Variants in RALGPS2 observed in about 807,000 individuals in gnomAD.
RALGPS2 encodes ras-specific guanine nucleotide-releasing factor RalGPS2.
Under a neutral mutation model 86.8 loss-of-function variants are expected in RALGPS2, and 43 were observed. The observed-to-expected ratio is 0.50, with a 90% CI of 0.39 to 0.64. The LOEUF is 0.64. Among genes scored for constraint, RALGPS2 ranks in the 30% least tolerant of loss-of-function variants. RALGPS2 has a pLI of 0.00. For synonymous variants in RALGPS2, 243 were observed against 231.3 expected, an observed-to-expected ratio of 1.05 and a Z score of -0.46; for missense variants, 536 against 694.6, an observed-to-expected ratio of 0.77 and a Z score of 2.57.
intron 1 of RALGPS2, among the ~76,000 whole-genome samples, chr1:178,773,221 C>T (rs1018187058): frequency 6.6e-6 from 1 of 152,086 alleles, no homozygotes; most frequent in African/African-American, 2.4e-5. Flanking sequence ...TGGTGGTGCA[C>T]ACCTCAGCTA....
intron 7 of RALGPS2, among the ~76,000 whole-genome samples, chr1:178,826,542 C>A (rs965577144): frequency 6.6e-6 from 1 of 151,880 alleles, no homozygotes; most frequent in African/African-American, 2.4e-5. Context: ...TTGATGGTTG[C>A]CAGGGATGGG....
intron 1 of RALGPS2, among the ~76,000 whole-genome samples, chr1:178,762,896 T>C (rs1297260701): frequency 1.3e-5 from 2 of 152,196 alleles, no homozygotes; most frequent in African/African-American, 2.4e-5. Flanking sequence ...TTGGAGTCTT[T>C]GTTATGATAT....
chr1:178,860,996 A>G (rs1395063937), intron 8 of RALGPS2, among the ~76,000 whole-genome samples: 1 of 152,208 alleles, frequency 6.6e-6, no homozygotes, highest in African/African-American at 2.4e-5. Flanking sequence ...GTAGTAATTT[A>G]ATTTAGTAAG....
At chr1:178,747,398 A>G (rs1651397506) in intron 1 of RALGPS2, 4 of 1,540,406 alleles carry the variant, frequency 2.6e-6, no homozygotes, top group Non-Finnish European at 3.6e-6. Flanking sequence ...ATACGACTTC[A>G]CATCTTCTGA....
chr1:178,899,148 A>T (rs1240824541), intron 17 of RALGPS2, among the ~76,000 whole-genome samples: 1 of 151,926 alleles, frequency 6.6e-6, no homozygotes, highest in Non-Finnish European at 1.5e-5. Context: ...AGAAGTTATA[A>T]CTGAATTTGT....
chr1:178,839,181 G>A (rs917018397), intron 8 of RALGPS2, among the ~76,000 whole-genome samples: 31 of 152,082 alleles, frequency 2.0e-4, no homozygotes, highest in Non-Finnish European at 4.4e-5. Flanking sequence ...GATACTCCTC[G>A]AGAAGAGCAA....
intron 8 of RALGPS2, among the ~76,000 whole-genome samples, chr1:178,866,981 G>A (rs529172283): frequency 9.2e-5 from 14 of 152,184 alleles, no homozygotes; most frequent in Admixed American, 8.5e-4. Context: ...CTACTAACGA[G>A]CTGGTCTATT....
rs1159764211 is a variant in RALGPS2, at chr1:178,886,037, T to C, written c.1109T>C (p.Leu370Pro). 4 of 1,613,436 alleles carry C rather than the reference T, an allele frequency of 2.5e-6. No individual in the cohort carries two copies. Among genetic ancestry groups the C allele is most frequent in the Admixed American group, 1.7e-5 (1 of 59,932 alleles). ...TTTCCAAATGCAGGACCAAGACATCTGTTAGATGATAGCGTCATGGAGCCC... is the reference window on the plus strand; with the variant it reads ...TTTCCAAATGCAGGACCAAGACATCCGTTAGATGATAGCGTCATGGAGCCC... ...ATFPNAGPRH[L>P]LDDSVMEPHA... The change falls in exon 13 of 20, where the codon CTG becomes CCG. Residue 370 changes from leucine (L) to proline (P), a missense_variant. Physicochemically the swap from Leu to Pro is moderately conservative, Grantham distance 98 (BLOSUM62 -3). Transcript: ENST00000367635.
At chr1:178,748,181 A>G (rs1651446802) in intron 1 of RALGPS2, among the ~76,000 whole-genome samples, 1 of 152,042 alleles carries the variant, frequency 6.6e-6, no homozygotes, top group Non-Finnish European at 1.5e-5. Flanking sequence ...TTAGCTGGGC[A>G]TCATGGCATA....
At chr1:178,897,531 A>G in intron 16 of RALGPS2, 133 bp from the exon 17 acceptor site, 1 of 669,292 alleles carries the variant, frequency 1.5e-6, no homozygotes, top group Non-Finnish European at 2.6e-6. Flanking sequence ...AGATTTCAGA[A>G]GTGATACAGC....
chr1:178,836,429 T>TA (rs577835223), intron 8 of RALGPS2, among the ~76,000 whole-genome samples: 12 of 152,342 alleles, frequency 7.9e-5, no homozygotes, highest in South Asian at 4.1e-4. Flanking sequence ...TGTAGGATCT[T>TA]ACGTTTCACT....
At chr1:178,877,402 G>A (rs1659049869) in intron 8 of RALGPS2, 96 bp from the exon 9 acceptor site, 1 of 1,520,596 alleles carries the variant, frequency 6.6e-7, no homozygotes, top group African/African-American at 1.4e-5. Flanking sequence ...AGCGTACAGT[G>A]GAATATATCT....
intron 1 of RALGPS2, among the ~76,000 whole-genome samples, chr1:178,732,332 T>A (rs1226725367): frequency 6.6e-6 from 1 of 150,534 alleles, no homozygotes; most frequent in Non-Finnish European, 1.5e-5. Context: ...AGAGTCTCAC[T>A]CTGTCGCCTA....
chr1:178,737,440 G>A (rs12565474), intron 1 of RALGPS2, among the ~76,000 whole-genome samples: 23,046 of 151,970 alleles, frequency 0.15, 2,034 homozygotes, highest in East Asian at 0.31. Context: ...TAGAGACGGG[G>A]TTTCACCATC....
chr1:178,790,499 A>G (rs1162524183), intron 4 of RALGPS2, among the ~76,000 whole-genome samples: 1 of 152,060 alleles, frequency 6.6e-6, no homozygotes, highest in Non-Finnish European at 1.5e-5. Context: ...ATTCCTGTCT[A>G]TTTAGTTATA....
rs1030911343 is a variant in RALGPS2 at position 178,819,730 on chromosome 1, A to G, written c.388-1882A>G. ...AATATTTTTAATTATTTTCACTGGA[A>G]GAGTAGGTCAAGGTGTCTAATTTAC... On this transcript the variant is annotated intron_variant, in intron 6 of 19. Coordinates refer to ENST00000367635, the MANE Select transcript of RALGPS2 (RefSeq NM_152663.5). Among the ~76,000 whole-genome samples the G allele has an allele frequency of 5.3e-5, 8 of 152,356 alleles. 1 individual carries two copies. The South Asian group carries it at 1.7e-3, about 32-fold the overall frequency.
At chr1:178,853,801 A>G in intron 8 of RALGPS2, 5 of 1,526,258 alleles carry the variant, frequency 3.3e-6, no homozygotes, top group Non-Finnish European at 4.4e-6. Context: ...TAATTTAAAT[A>G]TCATTTATTA....
At chr1:178,766,904 A>T (rs1652533569) in intron 1 of RALGPS2, among the ~76,000 whole-genome samples, 1 of 152,220 alleles carries the variant, frequency 6.6e-6, no homozygotes, top group Admixed American at 6.5e-5. Context: ...GTCTCTTTAC[A>T]TAATCACATA....
At chr1:178,864,856 CAT>C in intron 8 of RALGPS2, 2 of 796,758 alleles carry the variant, frequency 2.5e-6, no homozygotes, top group Non-Finnish European at 3.5e-6. Flanking sequence ...ACATATATAA[CAT>C]CGCAAAATGA....
Sources: gnomAD v4.1 joint callset for allele counts (sites outside exome capture counted in the v4.1 genomes callset) on GRCh38, gnomAD v4.1.1 for gene constraint, MANE v1.5 for transcripts, NCBI Gene and HGNC (gene_info 2026-07-23, HGNC 2026-07-21) for gene names.